The following DACH1 variants were observed in gnomAD, a reference collection of about 807,000 sequenced individuals.
The protein encoded by DACH1 is dachshund family transcription factor 1.
Under a neutral mutation model 54.2 loss-of-function variants are expected in DACH1, and 12 were observed. That is an observed-to-expected ratio of 0.22 (90% CI 0.14 to 0.36). The LOEUF (loss-of-function observed/expected upper bound fraction) is 0.36, where lower values mean the gene tolerates loss of function less well. Ranked by LOEUF, DACH1 falls within the 10% of genes least tolerant of loss-of-function variation. The probability of loss-of-function intolerance (pLI) is 1.00; values close to 1 mark genes in which losing one functional copy is unlikely to be tolerated. For missense variants in DACH1, 805 were observed against 929.8 expected, an observed-to-expected ratio of 0.87 and a Z score of 1.75; for synonymous variants, 386 against 366.2, an observed-to-expected ratio of 1.05 and a Z score of -0.62.
chr13:71,448,091 A>T (rs1236073749), intron 10 of DACH1, among the ~76,000 whole-genome samples: 1 of 152,162 alleles, frequency 6.6e-6, no homozygotes, highest in East Asian at 1.9e-4. Context: ...TTCTGTTAGG[A>T]AGTAGCTTTA....
At chr13:71,672,290 A>G (rs1880251074) in intron 2 of DACH1, among the ~76,000 whole-genome samples, 1 of 152,158 alleles carries the variant, frequency 6.6e-6, no homozygotes, top group South Asian at 2.1e-4. Context: ...TCAGTTCTTA[A>G]GTTAATGAAT....
chr13:71,702,936 T>G (rs1319400977), intron 1 of DACH1, among the ~76,000 whole-genome samples: 1 of 152,216 alleles, frequency 6.6e-6, no homozygotes, highest in Non-Finnish European at 1.5e-5. Flanking sequence ...GGAATATATA[T>G]GACTGGATTT....
chr13:71,452,660 G>A (rs1186591791), intron 10 of DACH1, among the ~76,000 whole-genome samples: 1 of 152,104 alleles, frequency 6.6e-6, no homozygotes, highest in East Asian at 1.9e-4. Flanking sequence ...AAAACAAATG[G>A]TTCATGATTT....
intron 1 of DACH1, among the ~76,000 whole-genome samples, chr13:71,825,013 G>A (rs1594268136): frequency 6.6e-6 from 1 of 152,026 alleles, no homozygotes; most frequent in East Asian, 1.9e-4. Flanking sequence ...ACAGGAGAAA[G>A]AAATGGGAAA....
intron 2 of DACH1, among the ~76,000 whole-genome samples, chr13:71,665,298 G>T (rs1879758131): frequency 6.6e-6 from 1 of 151,770 alleles, no homozygotes; most frequent in African/African-American, 2.4e-5. Context: ...AAACATAATG[G>T]AATATTAATG....
intron 2 of DACH1, among the ~76,000 whole-genome samples, chr13:71,643,337 C>T (rs995143873): frequency 9.9e-5 from 15 of 152,184 alleles, no homozygotes; most frequent in African/African-American, 3.6e-4. Context: ...TCTTACCATA[C>T]ATCTTTCTTA....
chr13:71,762,724 G>T (rs578003591), intron 1 of DACH1, among the ~76,000 whole-genome samples: 1 of 136,790 alleles, frequency 7.3e-6, no homozygotes, highest in South Asian at 2.3e-4. Context: ...CTGAGATTGC[G>T]CTGTTGCACT....
intron 1 of DACH1, among the ~76,000 whole-genome samples, chr13:71,750,717 TATC>T (rs1884884987): frequency 6.6e-6 from 1 of 152,154 alleles, no homozygotes; most frequent in Non-Finnish European, 1.5e-5. Context: ...ATAAAAGAAA[TATC>T]ATGAATAAAT....
At chr13:71,462,540 G>A (rs961726435) in intron 10 of DACH1, among the ~76,000 whole-genome samples, 1 of 151,562 alleles carries the variant, frequency 6.6e-6, no homozygotes, top group African/African-American at 2.4e-5. Flanking sequence ...CATTGACTGA[G>A]GAGAATGCAA....
intron 6 of DACH1, among the ~76,000 whole-genome samples, chr13:71,507,426 C>T (rs989060267): frequency 6.6e-6 from 1 of 152,084 alleles, no homozygotes; most frequent in African/African-American, 2.4e-5. Flanking sequence ...ACTAACAAAA[C>T]TATTTTTACA....
chr13:71,453,983 C>A (rs1875314793), intron 10 of DACH1, among the ~76,000 whole-genome samples: 2 of 152,008 alleles, frequency 1.3e-5, no homozygotes, highest in Non-Finnish European at 2.9e-5. Flanking sequence ...GTAAGGTGGC[C>A]CTCTGTGCAC....
At chr13:71,511,169 G>C (rs1593811441) in intron 6 of DACH1, among the ~76,000 whole-genome samples, 1 of 152,010 alleles carries the variant, frequency 6.6e-6, no homozygotes, top group African/African-American at 2.4e-5. Context: ...TTACAGAGTA[G>C]ACACATGACA....
intron 1 of DACH1, among the ~76,000 whole-genome samples, chr13:71,862,989 C>T (rs1326493802): frequency 3.3e-5 from 5 of 152,004 alleles, no homozygotes; most frequent in African/African-American, 7.2e-5. Context: ...TTATACTCTA[C>T]ATAAATTACT....
intron 1 of DACH1, among the ~76,000 whole-genome samples, chr13:71,796,862 T>C (rs1472836052): frequency 1.3e-5 from 2 of 152,054 alleles, no homozygotes; most frequent in Non-Finnish European, 2.9e-5. Context: ...ACACTTAGGG[T>C]TAGGAAACTG....
At chr13:71,590,875 CTTTTTTTTTTTTTT>C (rs71123234) in intron 3 of DACH1, among the ~76,000 whole-genome samples, 1 of 85,142 alleles carries the variant, frequency 1.2e-5, no homozygotes, top group Non-Finnish European at 2.2e-5. Context: ...CTCTCTCTTT[CTTTTTTTTTTTTTT>C]TTTTTTTTTG....
chr13:71,758,129 T>C (rs1038151982), intron 1 of DACH1, among the ~76,000 whole-genome samples: 15 of 152,046 alleles, frequency 9.9e-5, no homozygotes, highest in African/African-American at 3.4e-4. Flanking sequence ...ACACAGTCTC[T>C]CCATGGCCAT....
chr13:71,796,283 C>T (rs1181307726), intron 1 of DACH1, among the ~76,000 whole-genome samples: 2 of 151,986 alleles, frequency 1.3e-5, no homozygotes, highest in African/African-American at 2.4e-5. Flanking sequence ...TTAAGGGTTC[C>T]TTCAGATTTC....
chr13:71,715,376 C>A (rs2138788312), intron 1 of DACH1, among the ~76,000 whole-genome samples: 1 of 152,124 alleles, frequency 6.6e-6, no homozygotes, highest in Non-Finnish European at 1.5e-5. Context: ...GTCAAAGAAG[C>A]TAATATTAGC....
chr13:71,845,057 G>A (rs916760217), intron 1 of DACH1, among the ~76,000 whole-genome samples: 73 of 152,166 alleles, frequency 4.8e-4, no homozygotes, highest in Admixed American at 1.6e-3. Flanking sequence ...GCACTGTAGG[G>A]TACCTATAGT....
Sources: gnomAD v4.1 joint callset for allele counts (sites outside exome capture counted in the v4.1 genomes callset) on GRCh38, gnomAD v4.1.1 for gene constraint, MANE v1.5 for transcripts, NCBI Gene and HGNC (gene_info 2026-07-23, HGNC 2026-07-21) for gene names.